The following CAPZB variants were observed in gnomAD, a reference collection of about 807,000 sequenced individuals.
CAPZB encodes the protein F-actin-capping protein subunit beta.
Under a neutral mutation model 38.1 loss-of-function variants are expected in CAPZB, and 2 were observed. That is an observed-to-expected ratio of 0.05 (90% CI 0.02 to 0.17). The LOEUF (loss-of-function observed/expected upper bound fraction) is 0.17. Ranked by LOEUF, CAPZB falls within the 10% of genes least tolerant of loss-of-function variation. The pLI, the probability that CAPZB is intolerant of heterozygous loss-of-function variation, is 1.00. For synonymous variants in CAPZB, 107 were observed against 127.4 expected, an observed-to-expected ratio of 0.84 and a Z score of 1.08; for missense variants, 161 against 334.2, an observed-to-expected ratio of 0.48 and a Z score of 4.04.
At chr1:19,391,234 A>G (rs2094232869) in intron 2 of CAPZB, among the ~76,000 whole-genome samples, 1 of 152,180 alleles carries the variant, frequency 6.6e-6, no homozygotes, top group Non-Finnish European at 1.5e-5. Context: ...AAATTGTTCA[A>G]CCAGAAAAAG....
intron 2 of CAPZB, among the ~76,000 whole-genome samples, chr1:19,408,662 T>C (rs1312043953): frequency 6.6e-6 from 1 of 152,218 alleles, no homozygotes; most frequent in African/African-American, 2.4e-5. Context: ...GATGTTCTTT[T>C]AGTTCTAGGC....
intron 2 of CAPZB, among the ~76,000 whole-genome samples, chr1:19,417,974 T>C (rs554554634): frequency 6.6e-6 from 1 of 151,362 alleles, no homozygotes; most frequent in Non-Finnish European, 1.5e-5. Context: ...CCATCTCTAA[T>C]GAAAACACAA....
At chr1:19,396,568 A>C (rs2094270663) in intron 2 of CAPZB, among the ~76,000 whole-genome samples, 1 of 152,154 alleles carries the variant, frequency 6.6e-6, no homozygotes, top group African/African-American at 2.4e-5. Flanking sequence ...CCCAGCATGA[A>C]GGCAAGCACG....
intron 1 of CAPZB, among the ~76,000 whole-genome samples, chr1:19,459,104 A>G (rs2094542340): frequency 6.6e-6 from 1 of 152,132 alleles, no homozygotes; most frequent in Non-Finnish European, 1.5e-5. Context: ...GGCCTCCTCC[A>G]CCTTCAACCA....
chr1:19,356,395 G>A lies in CAPZB; in HGVS notation c.588+240C>T, dbSNP rs1289365926. The stretch of plus-strand genomic sequence containing the variant: ...GCGGGGCCCTGAGGGGTAAGGAGGA[G>A]CCACAGCCAGCACCCGGCCTCCCTC... On this transcript the variant is annotated intron_variant, in intron 6 of 8. Transcript: ENST00000264202. The surrounding 1 kb of genome is among the most constrained non-coding windows in gnomAD (Gnocchi z 4.3). 6.6e-6 allele frequency among the ~76,000 whole-genome samples: 1 copy of A among 152,230 alleles called. No individual in the cohort carries two copies. The highest frequency in any genetic ancestry group is 1.5e-5 in the Non-Finnish European group (1 of 68,048).
intron 2 of CAPZB, among the ~76,000 whole-genome samples, chr1:19,417,386 A>C (rs7540531): frequency 0.062 from 9,419 of 152,256 alleles, 952 homozygotes; most frequent in African/African-American, 0.21. Flanking sequence ...TTTCATGCTG[A>C]GTTTAGAGGA....
intron 4 of CAPZB, 23 bp downstream of exon 4, chr1:19,378,517 T>G (rs1201417419): frequency 7.5e-7 from 1 of 1,338,214 alleles, no homozygotes; most frequent in East Asian, 2.3e-5. Context: ...AGCGCTAAAG[T>G]GCAACAGGAG....
chr1:19,386,877 C>A (rs2094207047), intron 2 of CAPZB, among the ~76,000 whole-genome samples: 1 of 152,204 alleles, frequency 6.6e-6, no homozygotes, highest in South Asian at 2.1e-4. Context: ...CACCACCAAC[C>A]CCTGTGTACA....
At chr1:19,474,648 C>T (rs564653650) in intron 1 of CAPZB, among the ~76,000 whole-genome samples, 2 of 152,146 alleles carry the variant, frequency 1.3e-5, no homozygotes, top group Middle Eastern at 3.4e-3. Context: ...CCAATGCAAA[C>T]GGGTTAGTAG....
chr1:19,436,324 G>A (rs1026904327), intron 1 of CAPZB, among the ~76,000 whole-genome samples: 1 of 152,114 alleles, frequency 6.6e-6, no homozygotes, highest in Non-Finnish European at 1.5e-5. Flanking sequence ...GAGCCAGCTC[G>A]GTTCTCAGAT....
intron 2 of CAPZB, among the ~76,000 whole-genome samples, chr1:19,392,566 G>C (rs1245897036): frequency 6.7e-6 from 1 of 148,506 alleles, no homozygotes; most frequent in African/African-American, 2.5e-5. Context: ...GCGGTGGCTC[G>C]CTTGAGATCA....
intron 1 of CAPZB, chr1:19,484,101 G>T: frequency 7.1e-7 from 1 of 1,408,826 alleles, no homozygotes; most frequent in East Asian, 2.5e-5. Context: ...GAAACCCCAG[G>T]TTCCTCAAAA....
chr1:19,477,091 C>T (rs7517488), intron 1 of CAPZB, among the ~76,000 whole-genome samples: 151,835 of 152,350 alleles, frequency 1, 75,662 homozygotes, highest in Middle Eastern at 1. Flanking sequence ...GAATTACAGA[C>T]AATGACTGTG....
chr1:19,365,722 G>A (rs150188227), intron 4 of CAPZB, among the ~76,000 whole-genome samples: 49 of 152,014 alleles, frequency 3.2e-4, no homozygotes, highest in African/African-American at 1.0e-3. Flanking sequence ...TAATCCCAGC[G>A]ACTTGGGAGG....
intron 2 of CAPZB, among the ~76,000 whole-genome samples, chr1:19,385,964 A>G (rs981272184): frequency 6.6e-6 from 1 of 152,242 alleles, no homozygotes; most frequent in Non-Finnish European, 1.5e-5. Flanking sequence ...GGCAAAGTAC[A>G]AGCTGAAGTC....
intron 1 of CAPZB, among the ~76,000 whole-genome samples, chr1:19,426,443 C>CGGG (rs72362646): frequency 4.1e-5 from 6 of 148,140 alleles, no homozygotes; most frequent in African/African-American, 1.5e-4. Context: ...TGTGGTGGGG[C>CGGG]GGGGGGGGGC....
chr1:19,350,603 G>A (rs2093986474), intron 6 of CAPZB, among the ~76,000 whole-genome samples: 1 of 68,202 alleles, frequency 1.5e-5, no homozygotes, highest in African/African-American at 8.1e-5. Context: ...ATATATGGTA[G>A]TAGCAGTAAT....
chr1:19,481,274 T>C (rs2094627544), intron 1 of CAPZB, among the ~76,000 whole-genome samples: 1 of 152,182 alleles, frequency 6.6e-6, no homozygotes, highest in South Asian at 2.1e-4. Flanking sequence ...AGCATATGGC[T>C]CTAGCTGGTC....
At chr1:19,432,427 G>A (rs758947995) in intron 1 of CAPZB, among the ~76,000 whole-genome samples, 1 of 152,088 alleles carries the variant, frequency 6.6e-6, no homozygotes, top group African/African-American at 2.4e-5. Flanking sequence ...GGGTGATAAG[G>A]TGAGACCCTC....
Sources: allele counts gnomAD v4.1 joint callset (sites outside exome capture counted in the v4.1 genomes callset), GRCh38; gene constraint gnomAD v4.1.1; non-coding constraint Gnocchi (gnomAD v3.1); transcripts MANE v1.5; gene names NCBI Gene and HGNC (gene_info 2026-07-23, HGNC 2026-07-21).